Variants in UHRF1 observed in about 807,000 individuals in gnomAD.
UHRF1 encodes ubiquitin like with PHD and ring finger domains 1.
In UHRF1, 9 loss-of-function variants were observed where a neutral mutation model predicts 96.5. The ratio of observed to expected loss-of-function variants is 0.09; its 90% CI spans 0.06 to 0.16. The LOEUF is 0.16. Ranked by LOEUF, UHRF1 falls within the 10% of genes least tolerant of loss-of-function variation. The pLI is 1.00. For synonymous variants in UHRF1, 455 were observed against 469.9 expected (o/e 0.97, Z 0.41); for missense variants, 626 against 1,131.1 (o/e 0.55, Z 6.40).
intron 3 of UHRF1, among the ~76,000 whole-genome samples, chr19:4,929,684 T>TG (rs5826866): frequency 0.32 from 48,473 of 152,138 alleles, 8,289 homozygotes; most frequent in African/African-American, 0.42. Context: ...CAGAGTCCTG[T>TG]TCGGGGCCTG....
At chr19:4,927,159 C>G (rs1193888150) in intron 2 of UHRF1, among the ~76,000 whole-genome samples, 3 of 151,980 alleles carry the variant, frequency 2.0e-5, no homozygotes, top group African/African-American at 7.2e-5. Flanking sequence ...GTGGGTGGAT[C>G]CCTTCAGCGT....
At chr19:4,926,063 A>G (rs1433087670) in intron 2 of UHRF1, among the ~76,000 whole-genome samples, 1 of 151,396 alleles carries the variant, frequency 6.6e-6, no homozygotes, top group African/African-American at 2.4e-5. Flanking sequence ...ATGCCCGGCT[A>G]ATTTTGTATT....
At chr19:4,946,343 A>G (rs17884167) in intron 10 of UHRF1, among the ~76,000 whole-genome samples, 1,877 of 152,160 alleles carry the variant, frequency 0.012, 28 homozygotes, top group Middle Eastern at 0.02. Context: ...ATGTTGTCGC[A>G]TGTGTCCGGA....
upstream of UHRF1, among the ~76,000 whole-genome samples, chr19:4,907,830 A>G: frequency 6.8e-6 from 1 of 146,490 alleles, no homozygotes; most frequent in East Asian, 2.0e-4. Context: ...CTCCTGCCTC[A>G]GCCTCCCGAG....
intron 2 of UHRF1, among the ~76,000 whole-genome samples, chr19:4,924,830 T>G (rs1461453979): frequency 1.3e-5 from 2 of 150,340 alleles, no homozygotes; most frequent in Non-Finnish European, 3.0e-5. Context: ...TGTTAAGTTT[T>G]TTTTTTTTTT....
Position 4,932,615 on chromosome 19 carries a change from A to T in UHRF1, c.570-126A>T, listed in dbSNP as rs574131530. The T allele has an allele frequency of 2.4e-5, 23 of 976,238 alleles. No individual in the cohort carries two copies. The South Asian group carries it at 3.2e-4, about 14-fold the overall frequency. The allele number at this position is 976,238 out of a possible 1,614,324, so 60.5% of individuals were successfully genotyped here. A position where few individuals can be genotyped will look rare whatever the true frequency, so the allele number is the denominator to read the frequency against. Reference sequence around the variant, plus strand: ...ATACCTGTGTGTTCTCAACACCAGCATATAAGCCTGTTGGGAGGGGCCTCT... The same window carrying T: ...ATACCTGTGTGTTCTCAACACCAGCTTATAAGCCTGTTGGGAGGGGCCTCT... On this transcript the variant is annotated intron_variant, in intron 4 of 16. Coordinates refer to ENST00000650932, the MANE Select transcript of UHRF1 (RefSeq NM_001048201.3).
At position 4,944,107 on chromosome 19, in the gene UHRF1, G is replaced by A. The variant is rs751963028; in HGVS notation, c.1074-25G>A. On this transcript the variant is annotated intron_variant, in intron 7 of 16. Transcript: ENST00000650932. ...TGAGACATCTGCCAGGCTAGGCGTG[G>A]GCAGTGACAATCCCGACCTCGCAGG... 4.3e-6 allele frequency: 7 copies of A among 1,612,372 alleles called. No individual in the cohort carries two copies. The East Asian group carries it at 1.3e-4, about 31-fold the overall frequency.
intron 1 of UHRF1, chr19:4,910,511 G>GGAAT (rs2032223891): frequency 1.1e-5 from 2 of 180,982 alleles, no homozygotes; most frequent in Admixed American, 1.2e-4. Context: ...AGGAATCCGA[G>GGAAT]GAATGAATGA....
intron 2 of UHRF1, among the ~76,000 whole-genome samples, chr19:4,912,141 A>G (rs1401176560): frequency 6.6e-6 from 1 of 152,150 alleles, no homozygotes; most frequent in Non-Finnish European, 1.5e-5. Flanking sequence ...AGTCTTAAGA[A>G]TCTGAGTTAA....
At chr19:4,924,895 C>T (rs968272315) in intron 2 of UHRF1, among the ~76,000 whole-genome samples, 5 of 149,934 alleles carry the variant, frequency 3.3e-5, no homozygotes, top group African/African-American at 4.9e-5. Context: ...GGCGTGATCT[C>T]GGCTCACTGT....
intron 11 of UHRF1, among the ~76,000 whole-genome samples, chr19:4,950,175 T>C (rs888426099): frequency 3.3e-5 from 5 of 151,992 alleles, no homozygotes; most frequent in Non-Finnish European, 5.9e-5. Context: ...CTAGCAACCC[T>C]GTCTCAAATA....
In UHRF1 at chr19:4,911,058, C is replaced by A; in HGVS notation, c.153+20C>A. 1 of 1,557,998 alleles carries A rather than the reference C, an allele frequency of 6.4e-7. No homozygotes were observed. The highest frequency in any genetic ancestry group is 8.7e-7 in the Non-Finnish European group (1 of 1,147,270). On this transcript the variant is annotated intron_variant, in intron 2 of 16. Transcript: ENST00000650932. ...AAACAGGTACACCCGCCGCCAGCAC[C>A]TTTGTTCTATGCCTGGTCCAGGCCT...
chr19:4,915,489 G>C (rs537381794), intron 2 of UHRF1, among the ~76,000 whole-genome samples: 1 of 152,158 alleles, frequency 6.6e-6, no homozygotes, highest in South Asian at 2.1e-4. Context: ...CAAGGCAGGC[G>C]GATCACCTGA....
Position 4,954,771 on chromosome 19 carries a change from G to A in UHRF1, c.2079G>A (p.Leu693=), listed in dbSNP as rs770961769. 15 of 1,613,816 alleles carry A rather than the reference G, an allele frequency of 9.3e-6. No homozygotes were observed. The Admixed American group carries it at 1.2e-4, about 13-fold the overall frequency. ...GAGAGGACAAGAGCAACGCCAAGCT[G>A]TGGAATGAGGTCCTGGCGTCACTCA... The part of the protein sequence containing the change: ...LIREDKSNAK[L]WNEVLASLKD... Residue 693 remains leucine, a synonymous_variant, in exon 15 of 17, where the codon CTG becomes CTA. Coordinates refer to ENST00000650932, the MANE Select transcript of UHRF1 (RefSeq NM_001048201.3). The surrounding 1 kb of genome is among the most constrained non-coding windows in gnomAD (Gnocchi z 5.9).
rs971234391 is a variant in UHRF1 at position 4,930,951 on chromosome 19, C to T, written c.569+75C>T. ...CATCCTTGGCTGCGGGTGTTCAGGC[C>T]AGAGCTTGGCACTGTCTCGAGATGG... On this transcript the variant is annotated intron_variant, in intron 4 of 16. Transcript: ENST00000650932. This position sits in a 1 kb window ranked among gnomAD's most constrained non-coding sequence, Gnocchi z 4.4. 20 of 1,576,254 alleles carry T rather than the reference C, an allele frequency of 1.3e-5. No homozygotes were observed. Among genetic ancestry groups the T allele is most frequent in the East Asian group, 1.1e-4 (5 of 44,526 alleles).
chr19:4,960,515 T>C lies in UHRF1; in HGVS notation c.2236-142T>C, dbSNP rs968308350. 13 of 1,227,506 alleles carry C rather than the reference T, an allele frequency of 1.1e-5. No homozygotes were observed. In the African/African-American group the frequency reaches 1.8e-4, roughly 17 times the overall value. 76.0% of individuals were successfully genotyped at this position (1,227,506 alleles called of 1,614,324 possible). On this transcript the variant is annotated intron_variant, in intron 16 of 16. Coordinates refer to ENST00000650932, the MANE Select transcript of UHRF1 (RefSeq NM_001048201.3). ...GCCCCTAGGGGGGCCAGGCTGGTGA[T>C]GGGCAGCAGGTGGAAAGTGAGACTG...
intron 16 of UHRF1, among the ~76,000 whole-genome samples, chr19:4,958,961 C>CAAAA (rs750693594): frequency 4.9e-4 from 44 of 89,338 alleles, no homozygotes; most frequent in African/African-American, 1.5e-3. Context: ...GATTCTGTCT[C>CAAAA]AAAAAAAAAA....
At chr19:4,916,828 T>TC (rs1371214482) in intron 2 of UHRF1, among the ~76,000 whole-genome samples, 1 of 152,002 alleles carries the variant, frequency 6.6e-6, no homozygotes, top group African/African-American at 2.4e-5. Flanking sequence ...CTCACTTCCT[T>TC]CCCCCCAGGT....
intron 16 of UHRF1, among the ~76,000 whole-genome samples, 177 bp downstream of exon 16, chr19:4,956,990 C>A (rs185392962): frequency 5.9e-4 from 90 of 152,294 alleles, no homozygotes; most frequent in African/African-American, 2.2e-3. Flanking sequence ...CCACGGAGGC[C>A]TATAACATTC....
Sources: allele counts gnomAD v4.1 joint callset (sites outside exome capture counted in the v4.1 genomes callset), GRCh38; gene constraint gnomAD v4.1.1; non-coding constraint Gnocchi (gnomAD v3.1); transcripts MANE v1.5; gene names NCBI Gene and HGNC (gene_info 2026-07-23, HGNC 2026-07-21).